Variants in LMAN2L observed in about 807,000 individuals in gnomAD.
The protein encoded by LMAN2L is lectin, mannose binding 2 like.
Under a neutral mutation model 44.3 loss-of-function variants are expected in LMAN2L, and 30 were observed. The ratio of observed to expected loss-of-function variants is 0.68; its 90% CI spans 0.51 to 0.92. The LOEUF is 0.92. LMAN2L is among the 40% of genes least tolerant of loss of function. LMAN2L has a pLI of 0.00. For missense variants in LMAN2L, 429 were observed against 446.1 expected (o/e 0.96, Z 0.35); for synonymous variants, 183 against 171.1 (o/e 1.07, Z -0.54).
intron 4 of LMAN2L, among the ~76,000 whole-genome samples, chr2:96,729,096 C>T (rs546365369): frequency 1.3e-5 from 2 of 151,788 alleles, no homozygotes; most frequent in Non-Finnish European, 2.9e-5. Flanking sequence ...GGCGTGAACC[C>T]GGGAGGCGGA....
chr2:96,730,148 C>T (rs2078362454), intron 4 of LMAN2L, among the ~76,000 whole-genome samples: 1 of 152,072 alleles, frequency 6.6e-6, no homozygotes, highest in Admixed American at 6.6e-5. Context: ...ACCAGAATTA[C>T]TACTATCTCA....
intron 4 of LMAN2L, among the ~76,000 whole-genome samples, chr2:96,732,811 A>G (rs2078433025): frequency 6.7e-6 from 1 of 148,252 alleles, no homozygotes; most frequent in African/African-American, 2.5e-5. Flanking sequence ...TTTTTGAGAC[A>G]AGAGTCTCAC....
intron 4 of LMAN2L, among the ~76,000 whole-genome samples, chr2:96,721,434 G>A (rs2078153052): frequency 6.8e-6 from 1 of 147,132 alleles, no homozygotes; most frequent in South Asian, 2.2e-4. Flanking sequence ...CTGGGCTCAA[G>A]TGATCCACTC....
chr2:96,717,657 C>T (rs764982146), intron 4 of LMAN2L, among the ~76,000 whole-genome samples: 9 of 151,440 alleles, frequency 5.9e-5, no homozygotes, highest in Admixed American at 1.3e-4. Flanking sequence ...CTGACCAACA[C>T]GGAGAAACCC....
At chr2:96,724,871 G>T (rs1380354210) in intron 4 of LMAN2L, among the ~76,000 whole-genome samples, 1 of 150,800 alleles carries the variant, frequency 6.6e-6, no homozygotes, top group Non-Finnish European at 1.5e-5. Context: ...TTGCTCTGTC[G>T]CCCAGGCTGG....
intron 1 of LMAN2L, 58 bp downstream of exon 1, chr2:96,739,796 T>A (rs1405419492): frequency 6.4e-7 from 1 of 1,570,658 alleles, no homozygotes; most frequent in African/African-American, 1.3e-5. Context: ...CCTCTACCCC[T>A]GAAATCAAGT....
Position 96,707,799 on chromosome 2 carries a change from T to C in LMAN2L, c.819A>G (p.Glu273=), listed in dbSNP as rs531289024. ...CTTCTGGGGTTCTCTCCACTGTCAG[T>C]TCAAACAACTTCAAGGAAATGACAT... ...NHDVISLKLF[E]LTVERTPEEE... The change falls in exon 7 of 8, where the codon GAA becomes GAG. Residue 273 remains glutamate, a synonymous_variant. Coordinates refer to ENST00000264963, the MANE Select transcript of LMAN2L (RefSeq NM_030805.4). The C allele has an allele frequency of 2.2e-4, 348 of 1,613,810 alleles. 5 individuals are homozygous for C. The South Asian group carries it at 2.5e-3, about 12-fold the overall frequency.
At chr2:96,730,653 T>C (rs1216502906) in intron 4 of LMAN2L, among the ~76,000 whole-genome samples, 1 of 151,456 alleles carries the variant, frequency 6.6e-6, no homozygotes, top group Admixed American at 6.6e-5. Context: ...CTACTTTATT[T>C]CCACACACTC....
rs140328524 is a variant in LMAN2L at position 96,708,908 on chromosome 2, CTTTTTTTTTT to C, written c.785-1085_785-1076del. ...TGTGTTGCAATGCACTGAAGTTAGA[CTTTTTTTTTT>C]TTTTTTTTTTTTTGAGACAGAGTTT... On this transcript the variant is annotated intron_variant, in intron 6 of 7. Coordinates refer to ENST00000264963, the MANE Select transcript of LMAN2L (RefSeq NM_030805.4). Among the ~76,000 whole-genome samples, 15 of 89,230 alleles carry C rather than the reference CTTTTTTTTTT, an allele frequency of 1.7e-4. 1 individual carries two copies. The highest frequency in any genetic ancestry group is 3.0e-4 in the Non-Finnish European group (14 of 46,980). The allele number at this position is 89,230 out of a possible 152,430, so 58.5% of individuals were successfully genotyped here.
At position 96,707,085 on chromosome 2, in the gene LMAN2L, T is replaced by C. The variant is rs2077798758; in HGVS notation, c.*171A>G. ...CCCAGACCAGAGTTAGATGTCCCCA[T>C]GCACAACCATGGGAATGCGGGGTCC... is the stretch of plus-strand genomic sequence containing the variant. On this transcript the variant is annotated 3_prime_UTR_variant, in exon 8 of 8. Coordinates refer to ENST00000264963, the MANE Select transcript of LMAN2L (RefSeq NM_030805.4). The C allele has an allele frequency of 3.3e-6, 2 of 600,132 alleles. No homozygotes were observed. Among genetic ancestry groups the C allele is most frequent in the Non-Finnish European group, 5.5e-6 (2 of 361,074 alleles). The allele number at this position is 600,132 out of a possible 1,614,324, so 37.2% of individuals were successfully genotyped here. A position where few individuals can be genotyped will look rare whatever the true frequency, so the allele number is the denominator to read the frequency against.
intron 2 of LMAN2L, 32 bp from the exon 3 acceptor site, chr2:96,734,558 G>A: frequency 7.1e-7 from 1 of 1,408,370 alleles, no homozygotes; most frequent in Non-Finnish European, 1.0e-6. Flanking sequence ...AATCAATGAG[G>A]AGCATGAAAT....
At chr2:96,713,843 A>T (rs1313718037) in intron 4 of LMAN2L, among the ~76,000 whole-genome samples, 1 of 152,236 alleles carries the variant, frequency 6.6e-6, no homozygotes, top group Non-Finnish European at 1.5e-5. Flanking sequence ...ATCAGGCGTG[A>T]GGGTATTAAG....
chr2:96,739,815 C>T (rs1419423180), intron 1 of LMAN2L, 39 bp downstream of exon 1: 6 of 1,602,470 alleles, frequency 3.7e-6, no homozygotes, highest in Non-Finnish European at 4.3e-6. Context: ...GTCCCGAAGC[C>T]CGCCCCACTG....
intron 4 of LMAN2L, among the ~76,000 whole-genome samples, chr2:96,731,349 C>CCTAACTCTAAAGGTAGTTAGAAAT (rs1311323680): frequency 6.6e-6 from 1 of 152,152 alleles, no homozygotes; most frequent in Non-Finnish European, 1.5e-5. Context: ...TCACATTCCA[C>CCTAACTCTAAAGGTAGTTAGAAAT]CACCTTTAAA....
At chr2:96,713,104 T>A (rs1281146584) in intron 4 of LMAN2L, 1 of 1,551,018 alleles carries the variant, frequency 6.4e-7, no homozygotes. Context: ...AAGAACTGAG[T>A]ACCTGGACTC....
intron 4 of LMAN2L, among the ~76,000 whole-genome samples, chr2:96,732,574 G>A (rs1242157357): frequency 2.6e-5 from 4 of 151,366 alleles, no homozygotes; most frequent in East Asian, 4.0e-4. Flanking sequence ...AACCTGGGAG[G>A]CAGAGGTTGC....
At chr2:96,735,422 C>G (rs772700741) in intron 2 of LMAN2L, among the ~76,000 whole-genome samples, 4 of 152,198 alleles carry the variant, frequency 2.6e-5, no homozygotes, top group Non-Finnish European at 5.9e-5. Context: ...TAGAAGTACA[C>G]AGTCAAAATG....
rs1277280621 is a variant in LMAN2L at position 96,737,258 on chromosome 2, G to C, written c.306+691C>G. ...AGAAGGACAAATAAAATGACCAACAGCTCAGAGTGGCTTTCACATGAAAAT... is the reference window on the plus strand; with the variant it reads ...AGAAGGACAAATAAAATGACCAACACCTCAGAGTGGCTTTCACATGAAAAT... On this transcript the variant is annotated intron_variant, in intron 2 of 7. Coordinates refer to ENST00000264963, the MANE Select transcript of LMAN2L (RefSeq NM_030805.4). 7.3e-6 allele frequency: 3 copies of C among 408,808 alleles called. No homozygotes were observed. In the East Asian group the frequency reaches 2.3e-4, roughly 31 times the overall value. The allele number at this position is 408,808 out of a possible 1,614,324, so 25.3% of individuals were successfully genotyped here.
At chr2:96,712,442 A>G (rs116623699) in intron 4 of LMAN2L, among the ~76,000 whole-genome samples, 9 of 152,330 alleles carry the variant, frequency 5.9e-5, no homozygotes, top group Non-Finnish European at 1.3e-4. Flanking sequence ...ACGTCTTCAT[A>G]TGTCTAAACT....
Sources: allele counts gnomAD v4.1 joint callset (sites outside exome capture counted in the v4.1 genomes callset), GRCh38; gene constraint gnomAD v4.1.1; transcripts MANE v1.5; gene names NCBI Gene and HGNC (gene_info 2026-07-23, HGNC 2026-07-21).